The following NLRP1 variants were observed in gnomAD, a reference collection of about 807,000 sequenced individuals.
NLRP1 encodes NACHT, LRR and PYD domains-containing protein 1.
A neutral mutation model predicts 136.7 loss-of-function variants in NLRP1; 94 were observed. That is an observed-to-expected ratio of 0.69 (90% CI 0.58 to 0.82). The LOEUF is 0.82. Among genes scored for constraint, NLRP1 ranks in the 40% least tolerant of loss-of-function variants. The pLI, the probability that NLRP1 is intolerant of heterozygous loss-of-function variation, is 0.00. For missense variants in NLRP1, 1,575 were observed against 1,802.7 expected (o/e 0.87, Z 2.29); for synonymous variants, 690 against 725.1 (o/e 0.95, Z 0.78).
chr17:5,527,434 C>G (rs1023804745), intron 12 of NLRP1, among the ~76,000 whole-genome samples: 1 of 152,020 alleles, frequency 6.6e-6, no homozygotes, highest in Non-Finnish European at 1.5e-5. Context: ...AGAATTTGGT[C>G]TAGAGAAGGC....
chr17:5,554,923 G>C (rs886183127), intron 4 of NLRP1, among the ~76,000 whole-genome samples: 2 of 152,020 alleles, frequency 1.3e-5, no homozygotes, highest in African/African-American at 4.8e-5. Flanking sequence ...TCAGGAGGCT[G>C]AGGCAGGAGA....
Position 5,559,996 on chromosome 17 carries a change from A to G in NLRP1, c.700T>C (p.Trp234Arg). The G allele has an allele frequency of 1.9e-6, 3 of 1,595,168 alleles. No individual in the cohort carries two copies. Among genetic ancestry groups the G allele is most frequent in the Non-Finnish European group, 2.6e-6 (3 of 1,172,128 alleles). ...GGGGGCGTTCCTACCACCGCTGCCC[A>G]TGGGGGCCTGCCTTTCTCTGATTTC... ...REKSEKGRPP[W>R]AAVVGTPPQA... Residue 234 changes from tryptophan to arginine, a missense_variant, in exon 4 of 17, where the codon TGG (tryptophan) becomes CGG (arginine). Trp to Arg is a moderately radical substitution (Grantham distance 101). Coordinates refer to ENST00000572272, the MANE Select transcript of NLRP1 (RefSeq NM_033004.4).
chr17:5,532,724 G>C, intron 11 of NLRP1, 98 bp downstream of exon 11: 1 of 1,091,062 alleles, frequency 9.2e-7, no homozygotes, highest in Non-Finnish European at 1.3e-6. Flanking sequence ...GTGAGTGTGA[G>C]TTGGGGGTAG....
intron 5 of NLRP1, among the ~76,000 whole-genome samples, chr17:5,549,802 A>C (rs1341757398): frequency 6.6e-6 from 1 of 152,210 alleles, no homozygotes; most frequent in Non-Finnish European, 1.5e-5. Context: ...TCAGTCATCC[A>C]CCATTAAGTA....
intron 2 of NLRP1, 102 bp from the exon 3 acceptor site, chr17:5,582,164 A>G (rs980174578): frequency 2.2e-5 from 20 of 930,126 alleles, no homozygotes; most frequent in Non-Finnish European, 3.3e-5. Context: ...ATGGGTCTTA[A>G]TAATATTATT....
intron 10 of NLRP1, 158 bp from the exon 11 acceptor site, chr17:5,533,142 T>C (rs1597414338): frequency 1.4e-6 from 2 of 1,439,040 alleles, no homozygotes; most frequent in Non-Finnish European, 1.8e-6. Flanking sequence ...GCTGCCTGCC[T>C]GCTGTCTGGG....
intron 15 of NLRP1, chr17:5,505,352 A>G (rs1201500042): frequency 6.6e-6 from 1 of 152,390 alleles, no homozygotes; most frequent in South Asian, 2.1e-4. Context: ...AGGGGTAGCA[A>G]TGGTTGCTGA....
At position 5,537,851 on chromosome 17, in the gene NLRP1, G is replaced by A. The variant is rs76983876; in HGVS notation, c.2871-911C>T. Among the ~76,000 whole-genome samples the A allele has an allele frequency of 0.02, 2,987 of 152,274 alleles. 51 individuals are homozygous for A. Among genetic ancestry groups the A allele is most frequent in the East Asian group, 0.083 (427 of 5,168 alleles). ...GCCTGAAGCCATATCTGCCTGCCAT[G>A]GCCAAGCTCTGGGGAAAGGCTCTTC... On this transcript the variant is annotated intron_variant, in intron 7 of 16. Transcript: ENST00000572272. The surrounding 1 kb of genome is among the most constrained non-coding windows in gnomAD (Gnocchi z 4.5).
rs752820328 is a variant in NLRP1 at position 5,558,618 on chromosome 17, C to T, written c.2078G>A (p.Arg693Gln). Residue 693 changes from arginine (R) to glutamine (Q), a missense_variant, in exon 4 of 17, where the codon CGG (arginine) becomes CAG (glutamine). Arg to Gln is a conservative substitution (Grantham distance 43). Transcript: ENST00000572272. ...EREMENIFHCRLSQGRNLMQW... is the reference protein window; with the variant it reads ...EREMENIFHCQLSQGRNLMQW... ...CATCAGGTTCCTCCCCTGAGACAGC[C>T]GGCAGTGAAAGATGTTCTCCATCTC... The T allele has an allele frequency of 1.2e-5, 19 of 1,613,982 alleles. No homozygotes were observed. The highest frequency in any genetic ancestry group is 1.6e-4 in the Middle Eastern group (1 of 6,084).
rs201536173 is a variant in NLRP1 at position 5,559,021 on chromosome 17, G to A, written c.1675C>T (p.Leu559Phe). ...TGGGGTCCCAATGGCTGAGCTTGGA[G>A]AGCCTGGGCAAGGTAATGTAGACAG... ...TLCLHYLAQA[L>F]QAQPLGPQLR... is the part of the protein sequence containing the mutation. The change falls in exon 4 of 17, where the codon CTC becomes TTC. Residue 559 changes from leucine to phenylalanine, a missense_variant. Coordinates refer to ENST00000572272, the MANE Select transcript of NLRP1 (RefSeq NM_033004.4). The A allele has an allele frequency of 6.2e-7, 1 of 1,614,144 alleles. No homozygotes were observed. The highest frequency in any genetic ancestry group is 8.5e-7 in the Non-Finnish European group (1 of 1,180,030).
In NLRP1 at chr17:5,514,293, C is replaced by T. The variant is rs908110077; in HGVS notation, c.*461G>A. The T allele has an allele frequency of 1.9e-5, 9 of 477,402 alleles. No individual in the cohort carries two copies. Among genetic ancestry groups the T allele is most frequent in the African/African-American group, 1.3e-4 (6 of 47,454 alleles). 29.6% of individuals were successfully genotyped at this position (477,402 alleles called of 1,614,324 possible). On this transcript the variant is annotated 3_prime_UTR_variant, in exon 17 of 17. Coordinates refer to ENST00000572272, the MANE Select transcript of NLRP1 (RefSeq NM_033004.4). Reference sequence around the variant, plus strand: ...CTCCTTTATTTTCTGAATAAACTTCCTTCCACTTTACTCTGTTGGCTTGCT... The same window carrying T: ...CTCCTTTATTTTCTGAATAAACTTCTTTCCACTTTACTCTGTTGGCTTGCT...
chr17:5,507,371 C>A (rs915181879), intron 15 of NLRP1, among the ~76,000 whole-genome samples: 1 of 151,704 alleles, frequency 6.6e-6, no homozygotes, highest in Non-Finnish European at 1.5e-5. Flanking sequence ...CTTCTAAAAT[C>A]AAAAGAAAAC....
At chr17:5,564,302 T>C (rs118044617) in intron 3 of NLRP1, among the ~76,000 whole-genome samples, 2,195 of 152,348 alleles carry the variant, frequency 0.014, 24 homozygotes, top group Middle Eastern at 0.031. Context: ...ATTCATTCTT[T>C]CTATTTTTTT....
At chr17:5,566,253 T>A (rs1307606006) in intron 3 of NLRP1, among the ~76,000 whole-genome samples, 1 of 152,084 alleles carries the variant, frequency 6.6e-6, no homozygotes, top group African/African-American at 2.4e-5. Context: ...TTAAGATGCA[T>A]CATTAGATTG....
rs1239560137 is a variant in NLRP1, at chr17:5,560,027, C to T, written c.669G>A (p.Glu223=). The T allele has an allele frequency of 1.3e-6, 2 of 1,561,302 alleles. No homozygotes were observed. Among genetic ancestry groups the T allele is most frequent in the Non-Finnish European group, 1.7e-6 (2 of 1,157,982 alleles). ...GCCTGCCTTTCTCTGATTTCTCTCT[C>T]TCTCTTTCTCTGATTTCTAAGTAAG... ...GIYYTEIRER[E]REKSEKGRPP... The change falls in exon 4 of 17, where the codon GAG becomes GAA. Residue 223 remains glutamate, a synonymous_variant. Coordinates refer to ENST00000572272, the MANE Select transcript of NLRP1 (RefSeq NM_033004.4).
At chr17:5,538,355 G>A (rs1911376808) in intron 7 of NLRP1, among the ~76,000 whole-genome samples, 1 of 152,122 alleles carries the variant, frequency 6.6e-6, no homozygotes, top group Non-Finnish European at 1.5e-5. Context: ...GGGTCCTTCA[G>A]TTCTCCGGGG....
chr17:5,576,456 C>T (rs1248372372), intron 3 of NLRP1, among the ~76,000 whole-genome samples: 1 of 152,164 alleles, frequency 6.6e-6, no homozygotes, highest in East Asian at 1.9e-4. Flanking sequence ...CACCACCGAT[C>T]CTACAGAAAT....
chr17:5,577,697 T>C (rs1405584996), intron 3 of NLRP1, among the ~76,000 whole-genome samples: 2 of 152,178 alleles, frequency 1.3e-5, no homozygotes, highest in African/African-American at 4.8e-5. Context: ...AGGTAATTTA[T>C]AGATTTAATG....
chr17:5,510,476 C>T (rs1253620425), downstream of NLRP1, among the ~76,000 whole-genome samples: 3 of 152,028 alleles, frequency 2.0e-5, no homozygotes, highest in Non-Finnish European at 4.4e-5. Context: ...TCTGCTGCCT[C>T]AGCCTCCCGA....
Sources: allele counts gnomAD v4.1 joint callset (sites outside exome capture counted in the v4.1 genomes callset), GRCh38; gene constraint gnomAD v4.1.1; non-coding constraint Gnocchi (gnomAD v3.1); transcripts MANE v1.5; gene names NCBI Gene and HGNC (gene_info 2026-07-23, HGNC 2026-07-21).